The following USP45 variants were observed in gnomAD, a reference collection of about 807,000 sequenced individuals.
USP45 encodes ubiquitin specific peptidase 45.
Under a neutral mutation model 95.8 loss-of-function variants are expected in USP45, and 89 were observed. The ratio of observed to expected loss-of-function variants is 0.93; its 90% CI spans 0.78 to 1.11. The LOEUF (loss-of-function observed/expected upper bound fraction) is 1.11, where lower values mean the gene tolerates loss of function less well. Ranked by LOEUF, USP45 falls within the 50% of genes least tolerant of loss-of-function variation. The pLI is 0.00. For synonymous variants in USP45, 281 were observed against 316.2 expected (o/e 0.89, Z 1.18); for missense variants, 898 against 942.5 (o/e 0.95, Z 0.62).
intron 13 of USP45, among the ~76,000 whole-genome samples, chr6:99,457,476 T>C (rs4526201): frequency 0.013 from 1,912 of 152,282 alleles, 84 homozygotes; most frequent in Admixed American, 0.081. Flanking sequence ...TATGTGAATA[T>C]TGGGGCAGGT....
chr6:99,498,356 C>A (rs1225634902), intron 5 of USP45, among the ~76,000 whole-genome samples: 1 of 152,032 alleles, frequency 6.6e-6, no homozygotes, highest in African/African-American at 2.4e-5. Flanking sequence ...TACTGTCTAC[C>A]CACATAAAAA....
intron 8 of USP45, among the ~76,000 whole-genome samples, chr6:99,478,057 G>C (rs969874480): frequency 6.6e-6 from 1 of 152,070 alleles, no homozygotes; most frequent in Admixed American, 6.6e-5. Context: ...GTAGGAGGAG[G>C]GGGCAGTTTA....
intron 5 of USP45, among the ~76,000 whole-genome samples, chr6:99,500,924 T>C (rs6570100): frequency 0.85 from 129,852 of 152,188 alleles, 56,127 homozygotes; most frequent in East Asian, 1. Flanking sequence ...CTCATTAGGG[T>C]GATGGCTAAC....
intron 4 of USP45, among the ~76,000 whole-genome samples, chr6:99,506,679 C>T (rs530443343): frequency 6.6e-6 from 1 of 152,260 alleles, no homozygotes; most frequent in African/African-American, 2.4e-5. Flanking sequence ...AGTTTCCTTA[C>T]AGGTAACATA....
chr6:99,456,994 T>C (rs537788947), intron 13 of USP45, among the ~76,000 whole-genome samples: 34 of 152,304 alleles, frequency 2.2e-4, no homozygotes, highest in Non-Finnish European at 4.3e-4. Context: ...GGCGTAGCCG[T>C]CTCTTATGGT....
chr6:99,514,545 A>C (rs1043526673), intron 1 of USP45, among the ~76,000 whole-genome samples: 1 of 152,224 alleles, frequency 6.6e-6, no homozygotes, highest in Non-Finnish European at 1.5e-5. Context: ...TCCAAACAAT[A>C]AACTTTACAG....
chr6:99,509,469 A>T (rs931833986), intron 2 of USP45, among the ~76,000 whole-genome samples: 3 of 152,140 alleles, frequency 2.0e-5, no homozygotes, highest in African/African-American at 7.2e-5. Flanking sequence ...AAAATATATT[A>T]AAAATATCCC....
At chr6:99,454,540 T>G (rs1432540964) in intron 13 of USP45, among the ~76,000 whole-genome samples, 3 of 152,136 alleles carry the variant, frequency 2.0e-5, no homozygotes, top group Non-Finnish European at 4.4e-5. Flanking sequence ...CTGCAAACTC[T>G]TCATCCTATA....
chr6:99,465,047 C>T (rs1562350499), intron 12 of USP45, 33 bp downstream of exon 12: 1 of 1,515,594 alleles, frequency 6.6e-7, no homozygotes, highest in Non-Finnish European at 9.0e-7. Flanking sequence ...ATGTTCTTCA[C>T]CAAAGCTTCA....
chr6:99,474,639 G>A (rs1790350289), intron 9 of USP45, among the ~76,000 whole-genome samples: 1 of 152,146 alleles, frequency 6.6e-6, no homozygotes, highest in African/African-American at 2.4e-5. Flanking sequence ...TGGAAAACAG[G>A]TTTTCACCTA....
rs749490985 is a variant in USP45, at chr6:99,476,125, T to C, written c.933+18A>G. The C allele has an allele frequency of 5.0e-6, 8 of 1,607,164 alleles. No individual in the cohort carries two copies. Among genetic ancestry groups the C allele is most frequent in the South Asian group, 1.1e-5 (1 of 90,544 alleles). On this transcript the variant is annotated intron_variant, in intron 9 of 17. Transcript: ENST00000500704. ...CTCTTCTTGAAGAGAATACATGATA[T>C]ACATAAAGAAACCTGACCTTTGTTT...
chr6:99,446,598 G>T, intron 13 of USP45, 135 bp from the exon 14 acceptor site: 1 of 837,656 alleles, frequency 1.2e-6, no homozygotes, highest in Non-Finnish European at 1.8e-6. Flanking sequence ...CTGAAACTAA[G>T]ATCACTAGAA....
At chr6:99,484,309 A>G (rs183102594) in intron 7 of USP45, among the ~76,000 whole-genome samples, 15 of 151,796 alleles carry the variant, frequency 9.9e-5, no homozygotes, top group Admixed American at 8.5e-4. Context: ...CTGGGACTAC[A>G]GATGAATGCC....
intron 8 of USP45, 143 bp downstream of exon 8, chr6:99,482,610 T>C (rs1792687367): frequency 5.6e-6 from 4 of 719,944 alleles, no homozygotes; most frequent in Non-Finnish European, 8.5e-6. Context: ...TCATAAAGCA[T>C]AGAGCTGTAA....
At chr6:99,444,008 T>A (rs1332224252) in intron 14 of USP45, among the ~76,000 whole-genome samples, 1 of 151,436 alleles carries the variant, frequency 6.6e-6, no homozygotes, top group African/African-American at 2.4e-5. Context: ...TTAAAAAGAT[T>A]TCTAGATTTC....
intron 3 of USP45, 103 bp from the exon 4 acceptor site, chr6:99,507,634 T>C: frequency 1.4e-6 from 1 of 732,246 alleles, no homozygotes; most frequent in South Asian, 2.0e-5. Context: ...GTTTTGTTTT[T>C]AATTTCAGGC....
chr6:99,456,331 G>T (rs1376811795), intron 13 of USP45, among the ~76,000 whole-genome samples: 1 of 150,672 alleles, frequency 6.6e-6, no homozygotes, highest in Non-Finnish European at 1.5e-5. Flanking sequence ...TAACAACATA[G>T]ATTACATATT....
intron 8 of USP45, among the ~76,000 whole-genome samples, chr6:99,481,573 A>G (rs1792432123): frequency 6.6e-6 from 1 of 152,170 alleles, no homozygotes; most frequent in South Asian, 2.1e-4. Context: ...ATCTGGGTAT[A>G]TTGTGTGATG....
rs142918861 is a variant in USP45, at chr6:99,465,222, C to T, written c.1108-86G>A. 1.5e-3 allele frequency: 1,701 copies of T among 1,128,018 alleles called. 21 individuals are homozygous for T. In the African/African-American group the frequency reaches 0.024, roughly 16 times the overall value. The allele number at this position is 1,128,018 out of a possible 1,614,324, so 69.9% of individuals were successfully genotyped here. ...TAAAGTACAAAGAAATCAAACTTCC[C>T]GGGCAACCTAAAATTTTACGTTAAA... On this transcript the variant is annotated intron_variant, in intron 11 of 17. Transcript: ENST00000500704.
Sources: gnomAD v4.1 joint callset for allele counts (sites outside exome capture counted in the v4.1 genomes callset) on GRCh38, gnomAD v4.1.1 for gene constraint, MANE v1.5 for transcripts, NCBI Gene and HGNC (gene_info 2026-07-23, HGNC 2026-07-21) for gene names.